The following GRIN1 variants were observed in gnomAD, a reference collection of about 807,000 sequenced individuals.
The protein encoded by GRIN1 is glutamate receptor ionotropic, NMDA 1.
A neutral mutation model predicts 103.0 loss-of-function variants in GRIN1; 38 were observed. That is an observed-to-expected ratio of 0.37 (90% CI 0.28 to 0.48). GRIN1 has a LOEUF of 0.48. Among genes scored for constraint, GRIN1 ranks in the 20% least tolerant of loss-of-function variants. The pLI is 0.98. For missense variants in GRIN1, 577 were observed against 1,288.9 expected, an observed-to-expected ratio of 0.45 and a Z score of 8.46; for synonymous variants, 544 against 532.7, an observed-to-expected ratio of 1.02 and a Z score of -0.29.
chr9:137,150,934 G>A (rs1588704911), intron 4 of GRIN1, among the ~76,000 whole-genome samples: 1 of 129,014 alleles, frequency 7.8e-6, no homozygotes, highest in East Asian at 2.6e-4. Context: ...CTCGCCCAGG[G>A]AAAGCCCCAC....
At position 137,156,655 on chromosome 9, in the gene GRIN1, C is replaced by T. The variant is rs201225024; in HGVS notation, c.672-14C>T. On this transcript the variant is annotated splice_polypyrimidine_tract_variant and intron_variant, in intron 4 of 19. Coordinates refer to ENST00000371561, the MANE Select transcript of GRIN1 (RefSeq NM_007327.4). ...TGCTGGAGTCCTGGCCCGTCATCCC[C>T]GTCTGCCCCACAGCGAGGACGATGC... The T allele has an allele frequency of 1.1e-5, 17 of 1,599,212 alleles. No homozygotes were observed. The highest frequency in any genetic ancestry group is 7.9e-5 in the South Asian group (7 of 88,780).
rs747107321 is a variant in GRIN1 at position 137,139,522 on chromosome 9, G to C, written c.36G>C (p.Leu12=). The C allele has an allele frequency of 6.8e-6, 11 of 1,606,074 alleles. No homozygotes were observed. In the South Asian group the frequency reaches 7.7e-5, roughly 11 times the overall value. ...TGCGCCTGCTGACGCTCGCCCTGCT[G>C]TTCTCCTGCTCCGTCGCCCGTGCCG... The part of the protein sequence containing the change: ...STMRLLTLAL[L]FSCSVARAAC... The change falls in exon 1 of 20, where the codon CTG becomes CTC. Residue 12 remains leucine (L), a synonymous_variant. Coordinates refer to ENST00000371561, the MANE Select transcript of GRIN1 (RefSeq NM_007327.4). The surrounding 1 kb of genome is among the most constrained non-coding windows in gnomAD (Gnocchi z 7.7).
rs551136980 is a variant in GRIN1, at chr9:137,152,633, G to A, written c.671+3524G>A. Among the ~76,000 whole-genome samples, 6 of 152,266 alleles carry A rather than the reference G, an allele frequency of 3.9e-5. No individual in the cohort carries two copies. In the South Asian group the frequency reaches 1.2e-3, roughly 32 times the overall value. On this transcript the variant is annotated intron_variant, in intron 4 of 19. Transcript: ENST00000371561. ...CTGAGCCGTGCACTGCGGTCCCACA[G>A]GTTGACCCCGCGTTGCCAGCCTCAG...
chr9:137,166,719 A>G (rs1291199255), intron 19 of GRIN1, among the ~76,000 whole-genome samples: 1 of 152,260 alleles, frequency 6.6e-6, no homozygotes. Context: ...TGGAGGCTCA[A>G]GGAGCAGGTG....
chr9:137,156,971 T>G lies in GRIN1; in HGVS notation c.902T>G (p.Ile301Ser), dbSNP rs1389200176. Residue 301 changes from isoleucine (I) to serine (S), a missense_variant, in exon 6 of 20, where the codon ATC becomes AGC. By Grantham distance (142) the Ile-to-Ser change is moderately radical (BLOSUM62 -2). Coordinates refer to ENST00000371561, the MANE Select transcript of GRIN1 (RefSeq NM_007327.4). ...AVHELLEKENITDPPRGCVGN... is the reference protein window; with the variant it reads ...AVHELLEKENSTDPPRGCVGN... ...CACGAGCTCCTCGAGAAGGAGAACA[T>G]CACCGACCCGCCGCGGGGCTGCGTG... The G allele has an allele frequency of 1.2e-6, 2 of 1,611,988 alleles. No individual in the cohort carries two copies.
chr9:137,147,566 T>C (rs1356417442), intron 3 of GRIN1, among the ~76,000 whole-genome samples: 1 of 152,182 alleles, frequency 6.6e-6, no homozygotes, highest in Non-Finnish European at 1.5e-5. Context: ...CAGGCCTTTG[T>C]GGACTAACCC....
Position 137,148,993 on chromosome 9 carries a change from C to T in GRIN1, c.571-16C>T. On this transcript the variant is annotated splice_polypyrimidine_tract_variant and intron_variant, in intron 3 of 19. Coordinates refer to ENST00000371561, the MANE Select transcript of GRIN1 (RefSeq NM_007327.4). ...CCTGCCCCAGCCGCCTGCTAACACT[C>T]TTGCTCACACCGCAGGCAGAGAAGG... is the stretch of plus-strand genomic sequence containing the variant. 6.3e-7 allele frequency: 1 copy of T among 1,590,574 alleles called. No homozygotes were observed. The highest frequency in any genetic ancestry group is 8.6e-7 in the Non-Finnish European group (1 of 1,161,132).
chr9:137,161,833 G>A, intron 10 of GRIN1, 91 bp from the exon 11 acceptor site: 5 of 1,323,806 alleles, frequency 3.8e-6, no homozygotes, highest in Non-Finnish European at 5.3e-6. Context: ...GAAGACCCCC[G>A]GAGTGCTCTA....
chr9:137,164,060 C>T (rs1378178202), intron 18 of GRIN1, 156 bp downstream of exon 18: 20 of 914,258 alleles, frequency 2.2e-5, no homozygotes, highest in African/African-American at 3.3e-5. Context: ...TCCCAGGGCA[C>T]GGGGGCAGCA....
At chr9:137,156,574 G>A (rs1199912955) in intron 4 of GRIN1, 95 bp from the exon 5 acceptor site, 5 of 1,506,268 alleles carry the variant, frequency 3.3e-6, no homozygotes, top group African/African-American at 1.4e-5. Context: ...TGGGGGCTGG[G>A]CAGGTCCCTG....
intron 6 of GRIN1, among the ~76,000 whole-genome samples, chr9:137,157,317 C>T (rs1375508538): frequency 1.3e-5 from 2 of 152,130 alleles, no homozygotes; most frequent in Admixed American, 6.5e-5. Flanking sequence ...TGCCAACATC[C>T]TCTGGACACT....
In GRIN1 at chr9:137,168,022, C is replaced by G; in HGVS notation, c.*495C>G. 1 of 674,010 alleles carries G rather than the reference C, an allele frequency of 1.5e-6. No individual in the cohort carries two copies. Among genetic ancestry groups the G allele is most frequent in the Non-Finnish European group, 2.6e-6 (1 of 379,044 alleles). The allele number at this position is 674,010 out of a possible 1,614,324, so 41.8% of individuals were successfully genotyped here. On this transcript the variant is annotated 3_prime_UTR_variant, in exon 20 of 20. Coordinates refer to ENST00000371561, the MANE Select transcript of GRIN1 (RefSeq NM_007327.4). Reference sequence around the variant, plus strand: ...AGCCCCTGCTGGACCAAGGTGCGGACCGGAGCGGCTGAGGACGGGGCAGAG... The same window carrying G: ...AGCCCCTGCTGGACCAAGGTGCGGAGCGGAGCGGCTGAGGACGGGGCAGAG...
At position 137,162,733 on chromosome 9, in the gene GRIN1, C is replaced by T. The variant is rs200773184; in HGVS notation, c.2007C>T (p.Asp669=). 7 of 1,604,648 alleles carry T rather than the reference C, an allele frequency of 4.4e-6. No individual in the cohort carries two copies. The South Asian group carries it at 7.8e-5, about 18-fold the overall frequency. Residue 669 remains aspartate, a synonymous_variant, in exon 14 of 20, where the codon GAC becomes GAT. Coordinates refer to ENST00000371561, the MANE Select transcript of GRIN1 (RefSeq NM_007327.4). The part of the protein sequence containing the change: ...RPEERITGIN[D]PRLRNPSDKF... ...AGGAGCGCATCACGGGCATCAACGACCCTCGGGTGAGGCCTGGCCGGGCTG... is the reference window on the plus strand; with the variant it reads ...AGGAGCGCATCACGGGCATCAACGATCCTCGGGTGAGGCCTGGCCGGGCTG...
rs80187153 is a variant in GRIN1, at chr9:137,147,138, C to T, written c.570+1236C>T. On this transcript the variant is annotated intron_variant, in intron 3 of 19. Coordinates refer to ENST00000371561, the MANE Select transcript of GRIN1 (RefSeq NM_007327.4). ...CGGCCACGGACTCCCATCACACACTCACCCCTGCGCACCCAACTGCCTGCT... is the reference window on the plus strand; with the variant it reads ...CGGCCACGGACTCCCATCACACACTTACCCCTGCGCACCCAACTGCCTGCT... Among the ~76,000 whole-genome samples, 224 of 151,564 alleles carry T rather than the reference C, an allele frequency of 1.5e-3. 1 individual carries two copies. The highest frequency in any genetic ancestry group is 5.1e-3 in the African/African-American group (211 of 41,270).
At position 137,163,337 on chromosome 9, in the gene GRIN1, G is replaced by A; in HGVS notation, c.2333+7G>A. 2 of 1,613,232 alleles carry A rather than the reference G, an allele frequency of 1.2e-6. No homozygotes were observed. Among genetic ancestry groups the A allele is most frequent in the Non-Finnish European group, 8.5e-7 (1 of 1,179,852 alleles). The stretch of plus-strand genomic sequence containing the variant: ...TCTCCCTGTCCATCCTCAAGTGAGT[G>A]TCCGTGCGCCCGCGTCCCTCCTCCG... On this transcript the variant is annotated splice_region_variant and intron_variant, in intron 16 of 19. Coordinates refer to ENST00000371561, the MANE Select transcript of GRIN1 (RefSeq NM_007327.4).
chr9:137,139,391 G>T lies in GRIN1; in HGVS notation c.-96G>T. ...GAGACGTGGCGTCCGCAGCCCGCGG[G>T]GCCGGGCGAGCGCAGGACGGCCCGG... On this transcript the variant is annotated 5_prime_UTR_variant, in exon 1 of 20. Transcript: ENST00000371561. The surrounding 1 kb of genome is among the most constrained non-coding windows in gnomAD (Gnocchi z 7.7). 2 of 797,966 alleles carry T rather than the reference G, an allele frequency of 2.5e-6. No individual in the cohort carries two copies. Among genetic ancestry groups the T allele is most frequent in the Non-Finnish European group, 3.3e-6 (2 of 604,966 alleles). The allele number at this position is 797,966 out of a possible 1,614,324, so 49.4% of individuals were successfully genotyped here.
rs200150234 is a variant in GRIN1 at position 137,139,452 on chromosome 9, C to G, written c.-35C>G. The stretch of plus-strand genomic sequence containing the variant: ...GGGGATGCGCCGAGGGCCCCGCGTT[C>G]GCGCCGCGCAGAGCCAGGCCCGCGG... On this transcript the variant is annotated 5_prime_UTR_variant, in exon 1 of 20. Transcript: ENST00000371561. The surrounding 1 kb of genome is among the most constrained non-coding windows in gnomAD (Gnocchi z 7.7). The G allele has an allele frequency of 1.4e-6, 2 of 1,439,702 alleles. No homozygotes were observed. The highest frequency in any genetic ancestry group is 2.7e-5 in the East Asian group (1 of 36,526). 89.2% of individuals were successfully genotyped at this position (1,439,702 alleles called of 1,614,324 possible).
intron 4 of GRIN1, among the ~76,000 whole-genome samples, chr9:137,151,220 C>T (rs1271572890): frequency 1.4e-5 from 2 of 145,174 alleles, no homozygotes. Context: ...AAAAAAGTCG[C>T]GCCTGGTGAA....
intron 2 of GRIN1, among the ~76,000 whole-genome samples, chr9:137,145,379 G>A: frequency 7.4e-6 from 1 of 135,130 alleles, no homozygotes; most frequent in Admixed American, 7.0e-5. Context: ...GACAGGGGTG[G>A]GAGACACGAG....
Sources: allele counts gnomAD v4.1 joint callset (sites outside exome capture counted in the v4.1 genomes callset), GRCh38; gene constraint gnomAD v4.1.1; non-coding constraint Gnocchi (gnomAD v3.1); transcripts MANE v1.5; gene names NCBI Gene and HGNC (gene_info 2026-07-23, HGNC 2026-07-21).